Variants in GUF1 observed in about 807,000 individuals in gnomAD.
GUF1 encodes GTP binding elongation factor GUF1.
Under a neutral mutation model 82.4 loss-of-function variants are expected in GUF1, and 78 were observed. That is an observed-to-expected ratio of 0.95 (90% confidence interval 0.79 to 1.14). The LOEUF is 1.14. GUF1 is among the 50% of genes most tolerant of loss of function. The pLI is 0.00. For synonymous variants in GUF1, 279 were observed against 282.3 expected (o/e 0.99, Z 0.12); for missense variants, 814 against 798.2 (o/e 1.02, Z -0.24).
intron 9 of GUF1, among the ~76,000 whole-genome samples, chr4:44,688,821 A>C (rs1304840597): frequency 6.6e-6 from 1 of 151,936 alleles, no homozygotes; most frequent in Non-Finnish European, 1.5e-5. Flanking sequence ...TTTGTCAGTA[A>C]ATACCAAAAA....
intron 9 of GUF1, 24 bp downstream of exon 9, chr4:44,688,170 G>A: frequency 1.3e-6 from 2 of 1,584,014 alleles, no homozygotes; most frequent in Non-Finnish European, 1.7e-6. Context: ...AAATTCAAAG[G>A]TTGAGGGCCA....
At chr4:44,687,205 A>G (rs1160469775) in intron 8 of GUF1, among the ~76,000 whole-genome samples, 2 of 151,932 alleles carry the variant, frequency 1.3e-5, no homozygotes, top group Non-Finnish European at 2.9e-5. Context: ...AGAACTATTT[A>G]TTGAGTGCCT....
chr4:44,683,117 ATTG>A, intron 5 of GUF1, 115 bp from the exon 6 acceptor site: 1 of 548,616 alleles, frequency 1.8e-6, no homozygotes, highest in Non-Finnish European at 3.2e-6. Flanking sequence ...TTGAAAAAAT[ATTG>A]TAGAGGGGTC....
chr4:44,700,139 T>C lies in GUF1; in HGVS notation c.*1458T>C, dbSNP rs1369673296. 2 of 152,174 alleles carry C rather than the reference T, an allele frequency of 1.3e-5. No individual in the cohort carries two copies. The highest frequency in any genetic ancestry group is 2.9e-5 in the Non-Finnish European group (2 of 68,030). The allele number at this position is 152,174 out of a possible 1,614,324, so 9.4% of individuals were successfully genotyped here. A position where few individuals can be genotyped will look rare whatever the true frequency, so the allele number is the denominator to read the frequency against. ...TAAACACTATCAAGGATGAATTTTA[T>C]ACTAAGGTTATATGAAAGAAAAATC... On this transcript the variant is annotated 3_prime_UTR_variant, in exon 17 of 17. Transcript: ENST00000281543.
intron 1 of GUF1, among the ~76,000 whole-genome samples, chr4:44,678,991 C>T (rs1714613765): frequency 6.6e-6 from 1 of 152,176 alleles, no homozygotes; most frequent in African/African-American, 2.4e-5. Flanking sequence ...AAGTCACTAA[C>T]TTTGTAGGTT....
chr4:44,688,730 T>G (rs1345870157), intron 9 of GUF1, among the ~76,000 whole-genome samples: 1 of 151,902 alleles, frequency 6.6e-6, no homozygotes, highest in Admixed American at 6.6e-5. Context: ...TACCCCTACC[T>G]TTAGGCAAAG....
Position 44,697,435 on chromosome 4 carries a change from G to A in GUF1, c.1863G>A (p.Leu621=), listed in dbSNP as rs147897156. The A allele has an allele frequency of 5.1e-6, 8 of 1,555,178 alleles. No individual in the cohort carries two copies. The African/African-American group carries it at 9.6e-5, about 19-fold the overall frequency. ...TGAAAGCCTATAGGAAAAACGTTTTGGCAAAATGTGTATGTATCTAGTTGT... is the reference window on the plus strand; with the variant it reads ...TGAAAGCCTATAGGAAAAACGTTTTAGCAAAATGTGTATGTATCTAGTTGT... ...ETVKAYRKNV[L]AKCYGGDITR... The change falls in exon 16 of 17, where the codon TTG becomes TTA. Residue 621 remains leucine (L), a synonymous_variant. Coordinates refer to ENST00000281543, the MANE Select transcript of GUF1 (RefSeq NM_021927.3).
At position 44,682,331 on chromosome 4, in the gene GUF1, C is replaced by T. The variant is rs756871119; in HGVS notation, c.508-3C>T. On this transcript the variant is annotated splice_polypyrimidine_tract_variant and splice_region_variant and intron_variant, in intron 4 of 16. Coordinates refer to ENST00000281543, the MANE Select transcript of GUF1 (RefSeq NM_021927.3). ...TCAGTATCTTGTATCTTGATATTTT[C>T]AGGGAATTCAAGCCCAAACTGTAGC... 2.0e-6 allele frequency: 3 copies of T among 1,497,554 alleles called. No individual in the cohort carries two copies. The East Asian group carries it at 7.6e-5, about 38-fold the overall frequency. The allele number at this position is 1,497,554 out of a possible 1,614,324, so 92.8% of individuals were successfully genotyped here.
chr4:44,696,066 T>C (rs1271125430), intron 15 of GUF1, among the ~76,000 whole-genome samples: 1 of 136,058 alleles, frequency 7.3e-6, no homozygotes, highest in Non-Finnish European at 1.7e-5. Flanking sequence ...TATAGATTAA[T>C]AGAAACTGAA....
rs201569798 is a variant in GUF1 at position 44,678,710 on chromosome 4, C to T, written c.88C>T (p.Pro30Ser). 4,656 of 1,509,774 alleles carry T rather than the reference C, an allele frequency of 3.1e-3. 13 individuals are homozygous for T. Among genetic ancestry groups the T allele is most frequent in the Non-Finnish European group, 3.8e-3 (4,366 of 1,142,834 alleles). 93.5% of individuals were successfully genotyped at this position (1,509,774 alleles called of 1,614,324 possible). The change falls in exon 1 of 17, where the codon CCC (proline) becomes TCC (serine). Residue 30 changes from proline (P) to serine (S), a missense_variant. Pro to Ser is a moderately conservative substitution (Grantham distance 74). Coordinates refer to ENST00000281543, the MANE Select transcript of GUF1 (RefSeq NM_021927.3). ...TGAALLVAPG[P>S]RSAPTLGAAP... ...GGCCGCGCTTCTGGTGGCCCCGGGG[C>T]CCCGGTCCGCGCCGACCCTTGGGGC...
At chr4:44,695,852 A>G (rs1321016177) in intron 15 of GUF1, 118 bp downstream of exon 15, 2 of 974,086 alleles carry the variant, frequency 2.1e-6, no homozygotes, top group East Asian at 2.6e-5. Context: ...TTGTAGAAAC[A>G]GTATGATGGT....
rs747906627 is a variant in GUF1 at position 44,688,105 on chromosome 4, C to G, written c.1037C>G (p.Pro346Arg). ...TLCLHKQPVEPLPGFKSAKPM... is the reference protein window; with the variant it reads ...TLCLHKQPVERLPGFKSAKPM... The stretch of plus-strand genomic sequence containing the variant: ...TGTTTACATAAGCAACCAGTGGAGC[C>G]CTTGCCTGGGTTTAAATCAGCGAAA... Residue 346 changes from proline (P) to arginine (R), a missense_variant, in exon 9 of 17, where the codon CCC (proline) becomes CGC (arginine). Physicochemically the swap from Pro to Arg is moderately radical, Grantham distance 103. Coordinates refer to ENST00000281543, the MANE Select transcript of GUF1 (RefSeq NM_021927.3). 2 of 1,611,558 alleles carry G rather than the reference C, an allele frequency of 1.2e-6. No homozygotes were observed. The highest frequency in any genetic ancestry group is 2.7e-5 in the African/African-American group (2 of 74,664).
intron 15 of GUF1, among the ~76,000 whole-genome samples, chr4:44,696,530 C>T (rs1329276197): frequency 6.6e-6 from 1 of 152,096 alleles, no homozygotes. Context: ...CCTTAATGAT[C>T]CTAAGACTTC....
Position 44,687,996 on chromosome 4 carries a change from A to G in GUF1, c.939-11A>G. The stretch of plus-strand genomic sequence containing the variant: ...AAGCAGTAAATATTTGCATATAATA[A>G]TTTTATTTAGATATGCAGGACAGGT... On this transcript the variant is annotated splice_polypyrimidine_tract_variant and intron_variant, in intron 8 of 16. Coordinates refer to ENST00000281543, the MANE Select transcript of GUF1 (RefSeq NM_021927.3). 2 of 1,605,326 alleles carry G rather than the reference A, an allele frequency of 1.2e-6. No individual in the cohort carries two copies. The highest frequency in any genetic ancestry group is 1.1e-5 in the South Asian group (1 of 89,622).
chr4:44,698,398 T>G, intron 16 of GUF1, 146 bp from the exon 17 acceptor site: 1 of 571,264 alleles, frequency 1.8e-6, no homozygotes, highest in Non-Finnish European at 3.0e-6. Flanking sequence ...ACAGTAAAAT[T>G]AGATCTGCTA....
At chr4:44,697,328 G>A in intron 15 of GUF1, 80 bp from the exon 16 acceptor site, 1 of 772,406 alleles carries the variant, frequency 1.3e-6, no homozygotes. Context: ...TCTAGTAAAG[G>A]GGAGATTGTT....
chr4:44,698,436 G>C (rs1547526), intron 16 of GUF1, 108 bp from the exon 17 acceptor site: 433,640 of 764,924 alleles, frequency 0.57, 127,185 homozygotes, highest in Non-Finnish European at 0.62. Flanking sequence ...TCTGCCTTAT[G>C]GATAATAATT....
At chr4:44,680,308 G>C (rs1714687190) in intron 1 of GUF1, 133 bp from the exon 2 acceptor site, 1 of 525,628 alleles carries the variant, frequency 1.9e-6, no homozygotes, top group African/African-American at 2.0e-5. Context: ...CTTTTTCTTA[G>C]AATAATAATA....
chr4:44,681,913 A>G (rs978895224), intron 4 of GUF1, among the ~76,000 whole-genome samples: 1 of 152,106 alleles, frequency 6.6e-6, no homozygotes, highest in African/African-American at 2.4e-5. Context: ...TCCATGTTAC[A>G]TCTTTTGTTT....
Sources: allele counts gnomAD v4.1 joint callset (sites outside exome capture counted in the v4.1 genomes callset), GRCh38; gene constraint gnomAD v4.1.1; transcripts MANE v1.5; gene names NCBI Gene and HGNC (gene_info 2026-07-23, HGNC 2026-07-21).